CUX2: variants seen among roughly 807,000 people sequenced by gnomAD.
CUX2 encodes cut like homeobox 2.
A neutral mutation model predicts 144.8 loss-of-function variants in CUX2; 40 were observed. The ratio of observed to expected loss-of-function variants is 0.28; its 90% confidence interval spans 0.21 to 0.36. The LOEUF is 0.36. Among genes scored for constraint, CUX2 ranks in the 10% least tolerant of loss-of-function variants. The pLI is 1.00. For missense variants in CUX2, 1,615 were observed against 1,994.0 expected (o/e 0.81, Z 3.62); for synonymous variants, 827 against 875.6 (o/e 0.94, Z 0.98).
At chr12:111,146,811 C>T (rs527257539) in intron 1 of CUX2, among the ~76,000 whole-genome samples, 57 of 152,108 alleles carry the variant, frequency 3.7e-4, no homozygotes, top group African/African-American at 1.3e-3. Context: ...TCCTGGGGCT[C>T]GGTTTCTCCT....
chr12:111,083,775 T>A (rs543047781), intron 1 of CUX2, among the ~76,000 whole-genome samples: 76 of 151,544 alleles, frequency 5.0e-4, no homozygotes, highest in Non-Finnish European at 1.0e-3. Flanking sequence ...CACGGGAGTT[T>A]GTAGTCGTGA....
chr12:111,202,064 C>T (rs934836537), intron 1 of CUX2, among the ~76,000 whole-genome samples: 1 of 152,244 alleles, frequency 6.6e-6, no homozygotes. Context: ...GAGTCATTGC[C>T]ACTGTGGCCC....
chr12:111,274,482 GTAT>G (rs1884768611), intron 4 of CUX2, among the ~76,000 whole-genome samples: 1 of 152,020 alleles, frequency 6.6e-6, no homozygotes, highest in Non-Finnish European at 1.5e-5. Flanking sequence ...GGTGGTGGTG[GTAT>G]TATTATTACC....
chr12:111,263,897 A>G lies in CUX2; in HGVS notation c.301+58A>G. On this transcript the variant is annotated intron_variant, in intron 4 of 21. Coordinates refer to ENST00000261726, the MANE Select transcript of CUX2 (RefSeq NM_015267.4). The surrounding 1 kb of genome is among the most constrained non-coding windows in gnomAD (Gnocchi z 4.0). ...TTAACGACAATAAATAGCCATTAGG[A>G]CTGTGACACAGGGACTTTGAGGTGG... 6.7e-7 allele frequency: 1 copy of G among 1,489,580 alleles called. No individual in the cohort carries two copies. The highest frequency in any genetic ancestry group is 1.1e-5 in the South Asian group (1 of 88,514). The allele number at this position is 1,489,580 out of a possible 1,614,324, so 92.3% of individuals were successfully genotyped here.
At chr12:111,051,382 T>G (rs992223912) in intron 1 of CUX2, among the ~76,000 whole-genome samples, 8 of 152,248 alleles carry the variant, frequency 5.3e-5, no homozygotes, top group African/African-American at 1.9e-4. Flanking sequence ...TCTGTCAATT[T>G]TTGCTTCATA....
At chr12:111,342,704 A>C (rs917497241) in intron 21 of CUX2, among the ~76,000 whole-genome samples, 3 of 151,930 alleles carry the variant, frequency 2.0e-5, no homozygotes, top group Non-Finnish European at 4.4e-5. Flanking sequence ...CACACCTGTA[A>C]TCCCAACACT....
chr12:111,335,094 A>G (rs542663813), intron 19 of CUX2, among the ~76,000 whole-genome samples: 6 of 151,608 alleles, frequency 4.0e-5, no homozygotes, highest in Non-Finnish European at 8.8e-5. Flanking sequence ...GACCTTGTCT[A>G]TAAAATAAAT....
intron 1 of CUX2, among the ~76,000 whole-genome samples, chr12:111,165,414 G>T (rs1051582085): frequency 6.6e-5 from 10 of 152,322 alleles, no homozygotes; most frequent in South Asian, 2.1e-4. Flanking sequence ...AGATGCAAGG[G>T]TTTGGTGGAG....
intron 19 of CUX2, among the ~76,000 whole-genome samples, chr12:111,337,854 G>A (rs771043605): frequency 6.6e-6 from 1 of 152,128 alleles, no homozygotes. Context: ...TGGCCAACAT[G>A]GGAAACCCCA....
At chr12:111,047,337 A>T (rs561135048) in intron 1 of CUX2, among the ~76,000 whole-genome samples, 8 of 152,336 alleles carry the variant, frequency 5.3e-5, no homozygotes, top group South Asian at 4.1e-4. Flanking sequence ...AGCCTTTATT[A>T]AAAAAGTTTT....
At chr12:111,258,561 A>C (rs1372662333) in intron 3 of CUX2, among the ~76,000 whole-genome samples, 1 of 151,822 alleles carries the variant, frequency 6.6e-6, no homozygotes, top group African/African-American at 2.4e-5. Flanking sequence ...CCTTCCACAG[A>C]CAGCCAGTCA....
intron 18 of CUX2, among the ~76,000 whole-genome samples, chr12:111,328,941 A>ATCTCTCCCTCTCTCTCTCTCTCTCTCTC (rs1887949182): frequency 6.9e-5 from 2 of 28,988 alleles, no homozygotes; most frequent in African/African-American, 5.3e-4. Flanking sequence ...TGATTCACCT[A>ATCTCTCCCTCTCTCTCTCTCTCTCTCTC]TCTCTCTCTC....
intron 1 of CUX2, among the ~76,000 whole-genome samples, chr12:111,065,594 C>T (rs1870985288): frequency 1.3e-5 from 2 of 152,238 alleles, no homozygotes; most frequent in Admixed American, 6.5e-5. Flanking sequence ...CCTTGACCTC[C>T]CAAAGTGCTG....
chr12:111,073,613 T>C (rs1871353789), intron 1 of CUX2, among the ~76,000 whole-genome samples: 1 of 152,082 alleles, frequency 6.6e-6, no homozygotes, highest in Non-Finnish European at 1.5e-5. Flanking sequence ...TAGCAGCATC[T>C]CTGGCCTCTA....
intron 14 of CUX2, among the ~76,000 whole-genome samples, chr12:111,309,739 T>TTCTC (rs1886782177): frequency 6.7e-6 from 1 of 150,318 alleles, no homozygotes; most frequent in African/African-American, 2.5e-5. Context: ...CTTTGTCTCT[T>TTCTC]TATCTCTCTC....
intron 4 of CUX2, among the ~76,000 whole-genome samples, chr12:111,284,109 A>G (rs1049317104): frequency 6.6e-6 from 1 of 151,854 alleles, no homozygotes; most frequent in African/African-American, 2.4e-5. Flanking sequence ...TCTTGCATCA[A>G]GTTCAACCCT....
intron 19 of CUX2, among the ~76,000 whole-genome samples, chr12:111,336,941 G>A (rs936152819): frequency 3.2e-4 from 48 of 151,954 alleles, no homozygotes; most frequent in Middle Eastern, 3.4e-3. Flanking sequence ...TTGGGAGGCC[G>A]AGGCGGGAGG....
At position 111,077,721 on chromosome 12, in the gene CUX2, G is replaced by A. The variant is rs1180578926; in HGVS notation, c.63+43481G>A. On this transcript the variant is annotated intron_variant, in intron 1 of 21. Transcript: ENST00000261726. This position sits in a 1 kb window ranked among gnomAD's most constrained non-coding sequence, Gnocchi z 4.1. ...TTTACAAGAGTGTTTGTTTTTTGGGGGCCATACGCAAATTCCCACCCAGAT... is the reference window on the plus strand; with the variant it reads ...TTTACAAGAGTGTTTGTTTTTTGGGAGCCATACGCAAATTCCCACCCAGAT... Among the ~76,000 whole-genome samples the A allele has an allele frequency of 5.9e-5, 9 of 152,070 alleles. No homozygotes were observed. The South Asian group carries it at 1.2e-3, about 21-fold the overall frequency.
chr12:111,158,159 G>A (rs968344105), intron 1 of CUX2, among the ~76,000 whole-genome samples: 2 of 152,116 alleles, frequency 1.3e-5, no homozygotes, highest in African/African-American at 4.8e-5. Context: ...AGGTGAAAAC[G>A]GAGGATCAGG....
Sources: allele counts gnomAD v4.1 joint callset (sites outside exome capture counted in the v4.1 genomes callset), GRCh38; gene constraint gnomAD v4.1.1; non-coding constraint Gnocchi (gnomAD v3.1); transcripts MANE v1.5; gene names NCBI Gene and HGNC (gene_info 2026-07-23, HGNC 2026-07-21).